WDR72: variants seen among roughly 807,000 people sequenced by gnomAD.
The protein encoded by WDR72 is WD repeat domain 72.
A neutral mutation model predicts 124.2 loss-of-function variants in WDR72; 120 were observed. That is an observed-to-expected ratio of 0.97 (90% CI 0.83 to 1.12). The LOEUF (loss-of-function observed/expected upper bound fraction) is 1.12. WDR72 is among the 50% of genes most tolerant of loss of function. The probability of loss-of-function intolerance (pLI) is 0.00; values close to 1 mark genes in which losing one functional copy is unlikely to be tolerated. For missense variants in WDR72, 1,387 were observed against 1,278.8 expected (o/e 1.08, Z -1.29); for synonymous variants, 452 against 441.7 (o/e 1.02, Z -0.29).
At chr15:53,717,757 C>A (rs1414310864) in intron 3 of WDR72, among the ~76,000 whole-genome samples, 4 of 152,034 alleles carry the variant, frequency 2.6e-5, no homozygotes, top group Admixed American at 1.3e-4. Flanking sequence ...TTCCTAAATG[C>A]CATTAGTACT....
intron 18 of WDR72, among the ~76,000 whole-genome samples, chr15:53,546,171 C>A (rs1370892885): frequency 6.9e-6 from 1 of 145,900 alleles, no homozygotes; most frequent in Non-Finnish European, 1.5e-5. Flanking sequence ...TGGGTATATA[C>A]CCAAAGGACT....
chr15:53,528,433 T>C (rs909028854), intron 18 of WDR72, among the ~76,000 whole-genome samples: 1 of 152,066 alleles, frequency 6.6e-6, no homozygotes, highest in African/African-American at 2.4e-5. Context: ...CTAATAACTA[T>C]TTTACAGACA....
In WDR72 at chr15:53,615,797, C is replaced by G; in HGVS notation, c.2409G>C (p.Leu803Phe). 1 of 1,613,592 alleles carries G rather than the reference C, an allele frequency of 6.2e-7. No individual in the cohort carries two copies. The highest frequency in any genetic ancestry group is 8.5e-7 in the Non-Finnish European group (1 of 1,179,676). ...DTAKLFLSCL[L>F]PWGVDKDLDY... is the part of the protein sequence containing the mutation. Reference sequence around the variant, plus strand: ...CTAAATCTTTATCCACTCCCCATGGCAAAAGGCAAGACAGAAACAATTTTG... The same window carrying G: ...CTAAATCTTTATCCACTCCCCATGGGAAAAGGCAAGACAGAAACAATTTTG... The change falls in exon 15 of 20, where the codon TTG becomes TTC. Residue 803 changes from leucine (L) to phenylalanine (F), a missense_variant. Transcript: ENST00000360509.
At chr15:53,715,544 T>A (rs1567045185) in intron 4 of WDR72, among the ~76,000 whole-genome samples, 177 bp from the exon 5 acceptor site, 2 of 152,238 alleles carry the variant, frequency 1.3e-5, no homozygotes, top group Non-Finnish European at 2.9e-5. Context: ...GGCACTTTAG[T>A]CTCATTTGCA....
intron 13 of WDR72, among the ~76,000 whole-genome samples, chr15:53,697,720 C>A (rs1402960161): frequency 6.6e-6 from 1 of 152,088 alleles, no homozygotes; most frequent in Non-Finnish European, 1.5e-5. Flanking sequence ...GACTGAAATA[C>A]AATATAGACT....
chr15:53,569,540 T>C (rs1000751590), intron 18 of WDR72, among the ~76,000 whole-genome samples: 5 of 152,080 alleles, frequency 3.3e-5, no homozygotes, highest in Admixed American at 1.3e-4. Flanking sequence ...GAACCACCCA[T>C]TGAAGTCAGG....
intron 18 of WDR72, among the ~76,000 whole-genome samples, chr15:53,582,657 C>T (rs1184647100): frequency 6.6e-6 from 1 of 151,912 alleles, no homozygotes; most frequent in Non-Finnish European, 1.5e-5. Context: ...AGTTAAGATA[C>T]ATTTTAACTG....
intron 17 of WDR72, among the ~76,000 whole-genome samples, chr15:53,607,082 A>T (rs954826919): frequency 3.3e-5 from 5 of 152,170 alleles, no homozygotes; most frequent in Non-Finnish European, 7.4e-5. Flanking sequence ...AAAAAAGAAT[A>T]AACTTCTAGT....
At chr15:53,543,897 A>G (rs1304916928) in intron 18 of WDR72, among the ~76,000 whole-genome samples, 2 of 152,210 alleles carry the variant, frequency 1.3e-5, no homozygotes, top group East Asian at 3.8e-4. Context: ...ACGCAAATAA[A>G]CTAGAAAATC....
intron 14 of WDR72, among the ~76,000 whole-genome samples, chr15:53,654,742 T>A (rs2015357922): frequency 1.3e-5 from 2 of 152,226 alleles, no homozygotes; most frequent in Admixed American, 6.5e-5. Context: ...GGGCATAATT[T>A]GTCATGATTA....
At chr15:53,545,310 C>T (rs1308905963) in intron 18 of WDR72, among the ~76,000 whole-genome samples, 1 of 151,316 alleles carries the variant, frequency 6.6e-6, no homozygotes, top group African/African-American at 2.4e-5. Flanking sequence ...GGTACCGAAA[C>T]AGAGATATAG....
In WDR72 at chr15:53,594,343, T is replaced by G. The variant is rs115958431; in HGVS notation, c.3148+2736A>C. On this transcript the variant is annotated intron_variant, in intron 18 of 19. Coordinates refer to ENST00000360509, the MANE Select transcript of WDR72 (RefSeq NM_182758.4). ...AAGAAACGAGGGGAGGGACAGGAGC[T>G]CATAGAGGACAAATAAGCAGAGTTG... 9.7e-3 allele frequency among the ~76,000 whole-genome samples: 1,450 copies of G among 149,258 alleles called. 34 individuals carry two copies. The highest frequency in any genetic ancestry group is 0.034 in the African/African-American group (1,399 of 40,570).
chr15:53,702,001 T>C, intron 12 of WDR72, 133 bp downstream of exon 12: 1 of 575,292 alleles, frequency 1.7e-6, no homozygotes, highest in Non-Finnish European at 2.9e-6. Flanking sequence ...AATCATCCAG[T>C]TGTATTATAA....
At chr15:53,569,974 T>A (rs1452093694) in intron 18 of WDR72, among the ~76,000 whole-genome samples, 1 of 152,038 alleles carries the variant, frequency 6.6e-6, no homozygotes, top group East Asian at 1.9e-4. Context: ...AGGAGTGAGG[T>A]CATAGTCCAT....
chr15:53,618,580 C>T (rs1163680653), intron 14 of WDR72, among the ~76,000 whole-genome samples: 1 of 151,954 alleles, frequency 6.6e-6, no homozygotes, highest in East Asian at 1.9e-4. Context: ...CTTATTTTCT[C>T]CCAGTATTCG....
chr15:53,714,187 G>C (rs917344494), intron 6 of WDR72, among the ~76,000 whole-genome samples: 6 of 150,504 alleles, frequency 4.0e-5, no homozygotes, highest in Non-Finnish European at 8.9e-5. Flanking sequence ...CTTTCTGTGT[G>C]TGTGTGTGTG....
chr15:53,612,325 G>C (rs2013575653), intron 16 of WDR72, among the ~76,000 whole-genome samples: 1 of 152,116 alleles, frequency 6.6e-6, no homozygotes, highest in Non-Finnish European at 1.5e-5. Context: ...GGAGGCAGAT[G>C]AGATTTTTTA....
At chr15:53,728,284 G>A (rs184453628) in intron 2 of WDR72, among the ~76,000 whole-genome samples, 27 of 152,236 alleles carry the variant, frequency 1.8e-4, no homozygotes, top group Admixed American at 1.4e-3. Flanking sequence ...TCACTTTCAC[G>A]AGAATAGCAC....
At position 53,734,407 on chromosome 15, in the gene WDR72, T is replaced by C. The variant is rs183496151; in HGVS notation, c.-12-1246A>G. On this transcript the variant is annotated intron_variant, in intron 1 of 19. Coordinates refer to ENST00000360509, the MANE Select transcript of WDR72 (RefSeq NM_182758.4). Reference sequence around the variant, plus strand: ...TTCTGAATACCAGGATTATACATATTAATCATACTACAAAGCTACCCAGAG... The same window carrying C: ...TTCTGAATACCAGGATTATACATATCAATCATACTACAAAGCTACCCAGAG... 5.3e-5 allele frequency among the ~76,000 whole-genome samples: 8 copies of C among 152,330 alleles called. No individual in the cohort carries two copies. The East Asian group carries it at 1.3e-3, about 26-fold the overall frequency.
Sources: allele counts gnomAD v4.1 joint callset (sites outside exome capture counted in the v4.1 genomes callset), GRCh38; gene constraint gnomAD v4.1.1; transcripts MANE v1.5; gene names NCBI Gene and HGNC (gene_info 2026-07-23, HGNC 2026-07-21).